The following U2SURP variants were observed in gnomAD, a reference collection of about 807,000 sequenced individuals.
U2SURP encodes the protein U2 snRNP associated SURP domain containing.
A neutral mutation model predicts 144.9 loss-of-function variants in U2SURP; 9 were observed. That is an observed-to-expected ratio of 0.06 (90% confidence interval 0.04 to 0.11). U2SURP has a LOEUF of 0.11. Ranked by LOEUF, U2SURP falls within the 10% of genes least tolerant of loss-of-function variation. The pLI is 1.00. For missense variants in U2SURP, 724 were observed against 1,226.7 expected, an observed-to-expected ratio of 0.59 and a Z score of 6.12; for synonymous variants, 408 against 396.8, an observed-to-expected ratio of 1.03 and a Z score of -0.33.
At chr3:143,027,881 A>G (rs1354014692) in intron 14 of U2SURP, among the ~76,000 whole-genome samples, 1 of 152,226 alleles carries the variant, frequency 6.6e-6, no homozygotes, top group Admixed American at 6.5e-5. Context: ...GGAGGAAAAT[A>G]CATTTCATTA....
chr3:143,002,697 T>A (rs1182122680), intron 1 of U2SURP, among the ~76,000 whole-genome samples: 2 of 152,194 alleles, frequency 1.3e-5, no homozygotes, highest in Non-Finnish European at 2.9e-5. Context: ...GAAGCTTGCG[T>A]TTACAGTTCT....
intron 24 of U2SURP, among the ~76,000 whole-genome samples, chr3:143,045,778 G>A (rs1934400541): frequency 6.6e-6 from 1 of 152,132 alleles, no homozygotes. Flanking sequence ...CTGGGATTTG[G>A]ACCATGAACT....
intron 24 of U2SURP, among the ~76,000 whole-genome samples, chr3:143,045,366 CAAAA>C (rs11356372): frequency 1.3e-4 from 10 of 75,414 alleles, no homozygotes; most frequent in African/African-American, 2.6e-4. Flanking sequence ...GAGACGCCGT[CAAAA>C]AAAAAAAAAA....
chr3:143,033,384 TAAAG>T, intron 18 of U2SURP, 34 bp downstream of exon 18: 1 of 1,154,434 alleles, frequency 8.7e-7, no homozygotes. Flanking sequence ...ATTCCTGAAA[TAAAG>T]TATTTAAGGG....
intron 13 of U2SURP, chr3:143,025,935 G>A (rs4683721): frequency 0.6 from 91,072 of 151,918 alleles, 27,550 homozygotes; most frequent in East Asian, 0.7. Flanking sequence ...AGCCACAAAA[G>A]TCTGTCTTGT....
intron 4 of U2SURP, among the ~76,000 whole-genome samples, chr3:143,015,135 A>G (rs1936301697): frequency 6.6e-6 from 1 of 152,116 alleles, no homozygotes; most frequent in Non-Finnish European, 1.5e-5. Context: ...TAGCACTGCC[A>G]GTAGAGGACT....
intron 1 of U2SURP, among the ~76,000 whole-genome samples, chr3:143,005,941 T>C (rs1439095350): frequency 6.6e-6 from 1 of 152,214 alleles, no homozygotes; most frequent in Non-Finnish European, 1.5e-5. Flanking sequence ...TGCCTCATTC[T>C]AGTATAGGTG....
At chr3:143,026,636 C>T (rs981545206) in intron 13 of U2SURP, 1 of 151,932 alleles carries the variant, frequency 6.6e-6, no homozygotes, top group African/African-American at 2.4e-5. Context: ...TAAATCAGGC[C>T]TTAAACTTGT....
At chr3:143,015,377 G>T (rs1936317779) in intron 4 of U2SURP, among the ~76,000 whole-genome samples, 1 of 151,948 alleles carries the variant, frequency 6.6e-6, no homozygotes, top group Non-Finnish European at 1.5e-5. Context: ...TTTGCTCCAT[G>T]CAGAAACTAT....
chr3:143,043,026 T>C, intron 23 of U2SURP, 91 bp from the exon 24 acceptor site: 1 of 1,284,520 alleles, frequency 7.8e-7, no homozygotes, highest in Non-Finnish European at 1.0e-6. Flanking sequence ...TTATTTAAGC[T>C]CTAAGACAAT....
intron 26 of U2SURP, 126 bp downstream of exon 26, chr3:143,053,920 T>C (rs1037739676): frequency 4.6e-5 from 37 of 799,182 alleles, no homozygotes; most frequent in Non-Finnish European, 6.6e-5. Context: ...GTTTGGGTCC[T>C]GCTTGCAGAA....
chr3:143,014,240 C>A, intron 3 of U2SURP, 71 bp from the exon 4 acceptor site: 1 of 947,716 alleles, frequency 1.1e-6, no homozygotes, highest in Non-Finnish European at 1.5e-6. Context: ...ACTTAGTTAT[C>A]AGTTGATGTG....
intron 1 of U2SURP, among the ~76,000 whole-genome samples, chr3:143,004,747 AT>A (rs1935749088): frequency 6.6e-6 from 1 of 151,838 alleles, no homozygotes; most frequent in Non-Finnish European, 1.5e-5. Context: ...TTTCTGTGTA[AT>A]TTTGTTGTGC....
chr3:143,011,818 A>T, intron 2 of U2SURP: 1 of 388,648 alleles, frequency 2.6e-6, no homozygotes, highest in Non-Finnish European at 5.1e-6. Context: ...TATAACACTT[A>T]TGCTTACCAA....
chr3:143,016,753 C>T (rs1936387641), intron 5 of U2SURP, 89 bp from the exon 6 acceptor site: 2 of 1,159,234 alleles, frequency 1.7e-6, no homozygotes, highest in South Asian at 1.9e-5. Flanking sequence ...ATACTAAAAG[C>T]ATTTTACTAA....
intron 24 of U2SURP, among the ~76,000 whole-genome samples, 195 bp downstream of exon 24, chr3:143,043,471 G>A (rs191470989): frequency 6.6e-6 from 1 of 152,070 alleles, no homozygotes; most frequent in East Asian, 1.9e-4. Context: ...TTACCCTTTT[G>A]GACTTACTTG....
At chr3:143,029,094 A>C (rs868854291) in intron 16 of U2SURP, among the ~76,000 whole-genome samples, 1 of 152,210 alleles carries the variant, frequency 6.6e-6, no homozygotes, top group Non-Finnish European at 1.5e-5. Context: ...CCACCATGGA[A>C]GTATGTGTTG....
intron 24 of U2SURP, among the ~76,000 whole-genome samples, chr3:143,046,373 G>A (rs1251244332): frequency 7.4e-6 from 1 of 135,056 alleles, no homozygotes; most frequent in African/African-American, 2.8e-5. Context: ...CGCAGAGGGG[G>A]ATTTGGCAGG....
intron 6 of U2SURP, among the ~76,000 whole-genome samples, chr3:143,017,690 G>A (rs1392146033): frequency 1.3e-5 from 2 of 151,666 alleles, no homozygotes; most frequent in African/African-American, 4.8e-5. Context: ...GTGTGATTAC[G>A]GCTCCTGCAG....
Sources: gnomAD v4.1 joint callset for allele counts (sites outside exome capture counted in the v4.1 genomes callset) on GRCh38, gnomAD v4.1.1 for gene constraint, MANE v1.5 for transcripts, NCBI Gene and HGNC (gene_info 2026-07-23, HGNC 2026-07-21) for gene names.